The following SEC16A variants were observed in gnomAD, a reference collection of about 807,000 sequenced individuals.
The protein encoded by SEC16A is SEC16 homolog A, endoplasmic reticulum export factor.
SEC16A carries 110 observed loss-of-function variants against 221.9 expected under a neutral mutation model. The observed-to-expected ratio is 0.50, with a 90% CI of 0.42 to 0.58. SEC16A has a LOEUF of 0.58. Among genes scored for constraint, SEC16A ranks in the 20% least tolerant of loss-of-function variants. SEC16A has a pLI of 0.00. For missense variants in SEC16A, 3,165 were observed against 3,097.8 expected (o/e 1.02, Z -0.52); for synonymous variants, 1,393 against 1,257.7 (o/e 1.11, Z -2.28).
intron 20 of SEC16A, 100 bp from the exon 21 acceptor site, chr9:136,454,427 A>C (rs937948557): frequency 9.0e-7 from 1 of 1,105,008 alleles, no homozygotes; most frequent in Admixed American, 2.0e-5. Flanking sequence ...GTTATTTTGT[A>C]CAGCCCCATT....
chr9:136,454,417 G>T, intron 20 of SEC16A, 90 bp from the exon 21 acceptor site: 2 of 1,227,958 alleles, frequency 1.6e-6, no homozygotes, highest in Non-Finnish European at 2.3e-6. Flanking sequence ...TTTATGACAA[G>T]TTATTTTGTA....
rs553875415 is a variant in SEC16A, at chr9:136,440,841, C to G, written c.*914G>C. 6.6e-6 allele frequency: 1 copy of G among 152,406 alleles called. No homozygotes were observed. Among genetic ancestry groups the G allele is most frequent in the Non-Finnish European group, 1.5e-5 (1 of 68,048 alleles). The allele number at this position is 152,406 out of a possible 1,614,324, so 9.4% of individuals were successfully genotyped here. A position where few individuals can be genotyped will look rare whatever the true frequency, so the allele number is the denominator to read the frequency against. On this transcript the variant is annotated 3_prime_UTR_variant, in exon 32 of 32. Coordinates refer to ENST00000684901, the MANE Select transcript of SEC16A (RefSeq NM_014866.2). ...TGGATTGTACCACGAAAAGTGCTCA[C>G]GGAAAGTGCAGCCTTTTAGAGAAGT...
rs1177128865 is a variant in SEC16A at position 136,474,644 on chromosome 9, T to C, written c.2972A>G (p.Tyr991Cys). 1.2e-6 allele frequency: 2 copies of C among 1,613,398 alleles called. No homozygotes were observed. Among genetic ancestry groups the C allele is most frequent in the East Asian group, 4.5e-5 (2 of 44,890 alleles). ...GCTTAAGGTAAAGTCTAGGGCTCCG[T>C]AAGTGTCTTCCTGATGACTGGAATG... ...ANHSSHQEDTYGALDFTLSRT... is the reference protein window; with the variant it reads ...ANHSSHQEDTCGALDFTLSRT... Residue 991 changes from tyrosine (Y) to cysteine (C), a missense_variant, in exon 3 of 32, where the codon TAC becomes TGC. Transcript: ENST00000684901.
intron 9 of SEC16A, among the ~76,000 whole-genome samples, chr9:136,464,065 C>A (rs978203360): frequency 6.6e-6 from 1 of 152,202 alleles, no homozygotes; most frequent in African/African-American, 2.4e-5. Context: ...TCGGCAGCGC[C>A]GTGCACGTCC....
intron 1 of SEC16A, among the ~76,000 whole-genome samples, chr9:136,479,772 G>A (rs1318156871): frequency 6.6e-6 from 1 of 152,026 alleles, no homozygotes. Flanking sequence ...CGAGCACTTT[G>A]GGAGGTAGGA....
chr9:136,447,471 G>A lies in SEC16A; in HGVS notation c.6559+98C>T. The A allele has an allele frequency of 1.9e-6, 3 of 1,549,008 alleles. No individual in the cohort carries two copies. Among genetic ancestry groups the A allele is most frequent in the Non-Finnish European group, 1.8e-6 (2 of 1,134,492 alleles). ...AGGAAAAGCACGCAGGGACGTGCGG[G>A]AAGCCACCTCCTCCCCACGCACAAC... On this transcript the variant is annotated intron_variant, in intron 26 of 31. Transcript: ENST00000684901. This position sits in a 1 kb window ranked among gnomAD's most constrained non-coding sequence, Gnocchi z 5.5.
At chr9:136,462,629 A>G (rs575023296) in intron 12 of SEC16A, among the ~76,000 whole-genome samples, 1 of 152,340 alleles carries the variant, frequency 6.6e-6, no homozygotes, top group Admixed American at 6.5e-5. Flanking sequence ...CAACATGTGC[A>G]TTTATCGAAT....
At chr9:136,455,088 C>T (rs991143899) in intron 20 of SEC16A, among the ~76,000 whole-genome samples, 21 of 152,194 alleles carry the variant, frequency 1.4e-4, no homozygotes, top group Admixed American at 9.2e-4. Flanking sequence ...GGAAGGAGCC[C>T]GTGCTCATCC....
rs1588967233 is a variant in SEC16A, at chr9:136,466,945, T to G, written c.3929+12A>C. On this transcript the variant is annotated intron_variant, in intron 6 of 31. Transcript: ENST00000684901. The surrounding 1 kb of genome is among the most constrained non-coding windows in gnomAD (Gnocchi z 5.5). Reference sequence around the variant, plus strand: ...CCCCCAGCCTCTGCCTCCCCAGGGGTGCTCCACCAACCTGTCCCCGAAGGC... The same window carrying G: ...CCCCCAGCCTCTGCCTCCCCAGGGGGGCTCCACCAACCTGTCCCCGAAGGC... 4.3e-6 allele frequency: 7 copies of G among 1,609,788 alleles called. No homozygotes were observed. Among genetic ancestry groups the G allele is most frequent in the Non-Finnish European group, 5.9e-6 (7 of 1,178,356 alleles).
At chr9:136,461,873 A>T (rs1334591548) in intron 12 of SEC16A, among the ~76,000 whole-genome samples, 2 of 152,038 alleles carry the variant, frequency 1.3e-5, no homozygotes, top group Non-Finnish European at 2.9e-5. Flanking sequence ...TTGGGAGGCC[A>T]AGGTGGGCGG....
At chr9:136,468,817 G>T (rs1031681661) in intron 4 of SEC16A, among the ~76,000 whole-genome samples, 1 of 152,104 alleles carries the variant, frequency 6.6e-6, no homozygotes, top group Non-Finnish European at 1.5e-5. Flanking sequence ...TAGAATTTTT[G>T]ATATTATGCT....
rs771737656 is a variant in SEC16A, at chr9:136,468,533, G to A, written c.3705-21C>T. The A allele has an allele frequency of 6.3e-5, 92 of 1,453,414 alleles. 1 individual carries two copies. The highest frequency in any genetic ancestry group is 8.0e-5 in the Non-Finnish European group (83 of 1,035,080). The allele number at this position is 1,453,414 out of a possible 1,614,324, so 90.0% of individuals were successfully genotyped here. ...CTTGCCTGAAAAAACACACAGTGCT[G>A]TTAAAACACAAATTACCTATTTCTT... On this transcript the variant is annotated intron_variant, in intron 4 of 31. Transcript: ENST00000684901.
rs755337935 is a variant in SEC16A at position 136,476,047 on chromosome 9, G to A, written c.1569C>T (p.Ser523=). The change falls in exon 3 of 32, where the codon TCC becomes TCT. Residue 523 remains serine, a synonymous_variant. Transcript: ENST00000684901. ...TTCCGTGGCTTCTGCTGCTATAGCT[G>A]GATGACACGCTGTCAGGGTGCACTG... ...LHTVHPDSVS[S]SYSSRSHGRL... 3.7e-6 allele frequency: 6 copies of A among 1,613,580 alleles called. No individual in the cohort carries two copies. In the East Asian group the frequency reaches 1.1e-4, roughly 30 times the overall value.
rs1025402873 is a variant in SEC16A at position 136,476,328 on chromosome 9, C to A, written c.1288G>T (p.Gly430Cys). The A allele has an allele frequency of 6.2e-7, 1 of 1,612,806 alleles. No individual in the cohort carries two copies. Among genetic ancestry groups the A allele is most frequent in the African/African-American group, 1.3e-5 (1 of 75,076 alleles). Reference protein sequence around the residue: ...AGSLCQALLPGPSNEAAGDVW... With the variant: ...AGSLCQALLPCPSNEAAGDVW... ...TCACCAGCAGCCTCATTGCTGGGGC[C>A]TGGGAGAAGGGCCTGGCAGAGGCTG... Residue 430 changes from glycine to cysteine, a missense_variant, in exon 3 of 32, where the codon GGC becomes TGC. Transcript: ENST00000684901.
chr9:136,466,064 C>T lies in SEC16A; in HGVS notation c.4201G>A (p.Gly1401Ser), dbSNP rs528690627. Reference protein sequence around the residue: ...EAPLPPGSFHGDFAYGTYRSN... With the variant: ...EAPLPPGSFHSDFAYGTYRSN... ...CGGTAGGTGCCGTAGGCAAAATCGC[C>T]GTGAAAGGAGCCTGGAGGAAGCGGG... Residue 1401 changes from glycine to serine, a missense_variant, in exon 8 of 32, where the codon GGC becomes AGC. Gly to Ser is a moderately conservative substitution (Grantham distance 56). This residue lies in a region of SEC16A where 2,030 missense variants were observed against 1,923.1 expected (regional missense o/e 1.06). Transcript: ENST00000684901. The surrounding 1 kb of genome is among the most constrained non-coding windows in gnomAD (Gnocchi z 5.5). 1.5e-5 allele frequency: 25 copies of T among 1,613,184 alleles called. No homozygotes were observed. The East Asian group carries it at 2.0e-4, about 13-fold the overall frequency.
At chr9:136,470,948 C>T (rs561100232) in intron 4 of SEC16A, among the ~76,000 whole-genome samples, 6 of 152,280 alleles carry the variant, frequency 3.9e-5, no homozygotes, top group East Asian at 1.9e-4. Context: ...CAGCCTAGCG[C>T]GGTGGCCAGG....
chr9:136,476,046 T>C lies in SEC16A; in HGVS notation c.1570A>G (p.Ser524Gly), dbSNP rs754056036. 1.9e-6 allele frequency: 3 copies of C among 1,613,382 alleles called. No homozygotes were observed. The East Asian group carries it at 6.7e-5, about 36-fold the overall frequency. ...HTVHPDSVSS[S>G]YSSRSHGRLS... ...CTTCCGTGGCTTCTGCTGCTATAGC[T>C]GGATGACACGCTGTCAGGGTGCACT... The change falls in exon 3 of 32, where the codon AGC becomes GGC. Residue 524 changes from serine (S) to glycine (G), a missense_variant. Transcript: ENST00000684901.
upstream of SEC16A, among the ~76,000 whole-genome samples, chr9:136,483,299 T>C (rs1842655603): frequency 9.9e-6 from 1 of 101,374 alleles, no homozygotes; most frequent in Admixed American, 1.2e-4. Flanking sequence ...CCCGCCCGTC[T>C]TCCACGCCTT....
chr9:136,444,914 C>A, intron 30 of SEC16A, 138 bp downstream of exon 30: 1 of 649,472 alleles, frequency 1.5e-6, no homozygotes, highest in South Asian at 1.8e-5. Context: ...AACCCTGTAC[C>A]CTTGGTCACG....
Sources: gnomAD v4.1 joint callset for allele counts (sites outside exome capture counted in the v4.1 genomes callset) on GRCh38, gnomAD v4.1.1 for gene constraint, gnomAD v4.1.1 regional missense constraint, Gnocchi (gnomAD v3.1) non-coding constraint, MANE v1.5 for transcripts, NCBI Gene and HGNC (gene_info 2026-07-23, HGNC 2026-07-21) for gene names.